The following THSD4 variants were observed in gnomAD, a reference collection of about 807,000 sequenced individuals.
THSD4 encodes thrombospondin type-1 domain-containing protein 4.
THSD4 carries 69 observed loss-of-function variants against 119.0 expected under a neutral mutation model. The ratio of observed to expected loss-of-function variants is 0.58; its 90% CI spans 0.48 to 0.71. The LOEUF (loss-of-function observed/expected upper bound fraction) is 0.71, where lower values mean the gene tolerates loss of function less well. THSD4 is among the 30% of genes least tolerant of loss of function. The probability of loss-of-function intolerance (pLI) is 0.00; values close to 1 mark genes in which losing one functional copy is unlikely to be tolerated. For synonymous variants in THSD4, 524 were observed against 540.4 expected (o/e 0.97, Z 0.42); for missense variants, 1,393 against 1,391.1 (o/e 1.00, Z -0.02).
intron 7 of THSD4, among the ~76,000 whole-genome samples, chr15:71,504,043 T>C (rs1418992847): frequency 6.6e-6 from 1 of 152,190 alleles, no homozygotes; most frequent in African/African-American, 2.4e-5. Context: ...AGCATGGTCC[T>C]AGCTTGGGGA....
In THSD4 at chr15:71,368,278, C is replaced by G. The variant is rs528101407; in HGVS notation, c.1016-43409C>G. 3.9e-5 allele frequency among the ~76,000 whole-genome samples: 6 copies of G among 152,204 alleles called. 1 individual carries two copies. The highest frequency in any genetic ancestry group is 8.8e-5 in the Non-Finnish European group (6 of 68,044). ...TTGTTTCTTTTGCTGTGCAGAAGCTCTTTAGTTGAATTAGATCCCATTTGT... is the reference window on the plus strand; with the variant it reads ...TTGTTTCTTTTGCTGTGCAGAAGCTGTTTAGTTGAATTAGATCCCATTTGT... On this transcript the variant is annotated intron_variant, in intron 6 of 17. Coordinates refer to ENST00000261862, the MANE Select transcript of THSD4 (RefSeq NM_024817.3).
At chr15:71,201,841 G>C (rs1044103352) in intron 3 of THSD4, among the ~76,000 whole-genome samples, 2 of 152,154 alleles carry the variant, frequency 1.3e-5, no homozygotes, top group Non-Finnish European at 2.9e-5. Context: ...GGTTCACGTC[G>C]ACATGGGCAG....
chr15:71,384,587 T>A (rs1309275577), intron 6 of THSD4, among the ~76,000 whole-genome samples: 1 of 152,198 alleles, frequency 6.6e-6, no homozygotes, highest in Non-Finnish European at 1.5e-5. Flanking sequence ...TTCAGTTTTT[T>A]ATTTGCCTTT....
intron 7 of THSD4, among the ~76,000 whole-genome samples, chr15:71,412,466 C>T (rs568036390): frequency 1.4e-4 from 22 of 152,284 alleles, no homozygotes; most frequent in South Asian, 8.3e-4. Context: ...GGCACAAATT[C>T]CGTAGCTACA....
At chr15:71,678,921 G>A (rs563139681) in intron 8 of THSD4, among the ~76,000 whole-genome samples, 1 of 152,114 alleles carries the variant, frequency 6.6e-6, no homozygotes, top group South Asian at 2.1e-4. Context: ...TTATGCTTTG[G>A]GGGCAGAATT....
intron 7 of THSD4, among the ~76,000 whole-genome samples, chr15:71,426,685 T>C (rs908117466): frequency 1.3e-5 from 2 of 152,230 alleles, no homozygotes; most frequent in Admixed American, 1.3e-4. Flanking sequence ...TCCAACTTAA[T>C]GTGACTCTTT....
chr15:71,559,280 G>A (rs1236871667), intron 7 of THSD4, among the ~76,000 whole-genome samples: 1 of 152,124 alleles, frequency 6.6e-6, no homozygotes. Flanking sequence ...TTTGCTCACT[G>A]TACCTGTGGT....
rs1490283466 is a variant in THSD4, at chr15:71,641,369, C to T, written c.1153-19161C>T. On this transcript the variant is annotated intron_variant, in intron 7 of 17. Transcript: ENST00000261862. The stretch of plus-strand genomic sequence containing the variant: ...AGTTTCCAATGTGGGGGCTATCTAG[C>T]AATGCCTGTCTTCTTTTCTTCTTGT... 6.6e-5 allele frequency among the ~76,000 whole-genome samples: 10 copies of T among 151,832 alleles called. No individual in the cohort carries two copies. The South Asian group carries it at 1.7e-3, about 25-fold the overall frequency.
chr15:71,396,375 A>G (rs2046455944), intron 6 of THSD4, among the ~76,000 whole-genome samples: 1 of 152,138 alleles, frequency 6.6e-6, no homozygotes, highest in Non-Finnish European at 1.5e-5. Context: ...ATAGGAAGTC[A>G]AGCCGTCCTC....
chr15:71,524,366 C>T (rs1472974094), intron 7 of THSD4, among the ~76,000 whole-genome samples: 1 of 152,286 alleles, frequency 6.6e-6, no homozygotes, highest in Non-Finnish European at 1.5e-5. Flanking sequence ...CTGGTACCTT[C>T]TTGACAGTAG....
At chr15:71,291,460 C>A (rs1449498930) in intron 6 of THSD4, among the ~76,000 whole-genome samples, 1 of 152,134 alleles carries the variant, frequency 6.6e-6, no homozygotes, top group Non-Finnish European at 1.5e-5. Flanking sequence ...GAGACCCAGC[C>A]AATAATTCAG....
intron 1 of THSD4, among the ~76,000 whole-genome samples, chr15:71,121,609 T>C (rs1372239123): frequency 6.6e-6 from 1 of 152,138 alleles, no homozygotes; most frequent in Non-Finnish European, 1.5e-5. Flanking sequence ...CTGCCCCTCG[T>C]CTCCTGCCCT....
rs1302473400 is a variant in THSD4, at chr15:71,234,583, C to G, written c.465-8066C>G. 2.0e-5 allele frequency among the ~76,000 whole-genome samples: 3 copies of G among 152,318 alleles called. No homozygotes were observed. The East Asian group carries it at 5.8e-4, about 29-fold the overall frequency. On this transcript the variant is annotated intron_variant, in intron 4 of 17. Coordinates refer to ENST00000261862, the MANE Select transcript of THSD4 (RefSeq NM_024817.3). ...GGCCTCCCAAAGTCCTGGCGAGCCACCACATCCAGCCTGCTAGTCAAACTC... is the reference window on the plus strand; with the variant it reads ...GGCCTCCCAAAGTCCTGGCGAGCCAGCACATCCAGCCTGCTAGTCAAACTC...
intron 7 of THSD4, among the ~76,000 whole-genome samples, chr15:71,636,466 G>T (rs2050745622): frequency 6.6e-6 from 1 of 151,954 alleles, no homozygotes; most frequent in Non-Finnish European, 1.5e-5. Context: ...TGCCTCATGG[G>T]CTACTACACA....
At chr15:71,774,910 G>T (rs1368405031) in intron 17 of THSD4, among the ~76,000 whole-genome samples, 2 of 152,190 alleles carry the variant, frequency 1.3e-5, no homozygotes, top group Non-Finnish European at 2.9e-5. Context: ...ACTTTGGGAG[G>T]CCAAGGCAGG....
intron 15 of THSD4, among the ~76,000 whole-genome samples, chr15:71,758,783 G>A (rs2053584810): frequency 6.6e-6 from 1 of 152,082 alleles, no homozygotes; most frequent in Non-Finnish European, 1.5e-5. Flanking sequence ...CAAGACCTCT[G>A]GCTCCATATA....
chr15:71,141,915 C>G (rs1372629020), intron 2 of THSD4, among the ~76,000 whole-genome samples: 2 of 152,122 alleles, frequency 1.3e-5, no homozygotes, highest in Non-Finnish European at 2.9e-5. Context: ...ACCACTCTGG[C>G]CAACGTGGTG....
intron 7 of THSD4, among the ~76,000 whole-genome samples, chr15:71,486,948 GC>G (rs1303391525): frequency 6.6e-6 from 1 of 152,096 alleles, no homozygotes; most frequent in African/African-American, 2.4e-5. Flanking sequence ...TTGAGTATCT[GC>G]CCACCAGTTC....
At chr15:71,642,763 A>T (rs2050887493) in intron 7 of THSD4, among the ~76,000 whole-genome samples, 1 of 151,650 alleles carries the variant, frequency 6.6e-6, no homozygotes, top group Non-Finnish European at 1.5e-5. Context: ...GATCACATGG[A>T]CACAGGAAGG....
Sources: gnomAD v4.1 joint callset for allele counts (sites outside exome capture counted in the v4.1 genomes callset) on GRCh38, gnomAD v4.1.1 for gene constraint, MANE v1.5 for transcripts, NCBI Gene and HGNC (gene_info 2026-07-23, HGNC 2026-07-21) for gene names.